OR6K3: variants seen among roughly 807,000 people sequenced by gnomAD.
The protein encoded by OR6K3 is olfactory receptor 6K3.
For missense variants in OR6K3, 396 were observed against 382.5 expected, an observed-to-expected ratio of 1.04 and a Z score of -0.29; for synonymous variants, 169 against 137.7, an observed-to-expected ratio of 1.23 and a Z score of -1.59.
chr1:158,717,314 C>G lies in OR6K3; in HGVS notation c.802G>C (p.Val268Leu). The change falls in exon 2 of 2, where the codon GTT (valine) becomes CTT (leucine). Residue 268 changes from valine to leucine, a missense_variant. By Grantham distance (32) the Val-to-Leu change is conservative. Transcript: ENST00000368145. ...YLRFSDTYPP[V>L]LDTAIALMFT... Reference sequence around the variant, plus strand: ...ATCAGTGCAATGGCTGTGTCCAAAACTGGTGGATAAGTGTCGCTGAAACGC... The same window carrying G: ...ATCAGTGCAATGGCTGTGTCCAAAAGTGGTGGATAAGTGTCGCTGAAACGC... The G allele has an allele frequency of 6.2e-7, 1 of 1,613,756 alleles. No individual in the cohort carries two copies. The highest frequency in any genetic ancestry group is 8.5e-7 in the Non-Finnish European group (1 of 1,179,778).
chr1:158,717,986 A>G lies in OR6K3; in HGVS notation c.130T>C (p.Leu44=). Residue 44 remains leucine (L), a synonymous_variant, in exon 2 of 2, where the codon TTA becomes CTA. Transcript: ENST00000368145. ...TCCAGCCTTACAGCAGAGAAGATTA[A>G]TAAGTTATCAATGATAATAAAAGTA... ...IYTFIIIDNL[L]IFSAVRLDTH... is the part of the protein sequence containing the mutation. 1 of 1,612,868 alleles carries G rather than the reference A, an allele frequency of 6.2e-7. No homozygotes were observed. The highest frequency in any genetic ancestry group is 8.5e-7 in the Non-Finnish European group (1 of 1,179,036).
rs1386027627 is a variant in OR6K3, at chr1:158,717,172, C to T, written c.944G>A (p.Gly315Asp). 6.2e-7 allele frequency: 1 copy of T among 1,603,004 alleles called. No individual in the cohort carries two copies. The highest frequency in any genetic ancestry group is 2.2e-5 in the East Asian group (1 of 44,796). The change falls in exon 2 of 2, where the codon GGT (glycine) becomes GAT (aspartate). Residue 315 changes from glycine (G) to aspartate (D), a missense_variant. Physicochemically the swap from Gly to Asp is moderately conservative, Grantham distance 94. Transcript: ENST00000368145. ...AAGGGAACCTGTGGCTCTGTATTAA[C>T]CTCCAGGCTTGTTCAACACTTTTTG... ...CLQKVLNKPG[G>D]
At chr1:158,723,018 TTCA>T (rs1306294187), upstream of OR6K3, among the ~76,000 whole-genome samples, 1 of 152,036 alleles carries the variant, frequency 6.6e-6, no homozygotes, top group Admixed American at 6.6e-5. Context: ...CATCTAACAG[TTCA>T]TCTAGTCCTG....
chr1:158,717,429 A>G lies in OR6K3; in HGVS notation c.687T>C (p.Ser229=). The G allele has an allele frequency of 6.2e-7, 1 of 1,613,772 alleles. No individual in the cohort carries two copies. Residue 229 remains serine, a synonymous_variant, in exon 2 of 2, where the codon TCT becomes TCC. Transcript: ENST00000368145. ...AAAAAGCCTTTTGCCTCCCTTCAGA[A>G]GAGGGAATCCTCAATATCACAGTGA... is the stretch of plus-strand genomic sequence containing the variant. ...RIVTVILRIP[S]SEGRQKAFST... is the part of the protein sequence containing the mutation.
rs373150476 is a variant in OR6K3 at position 158,717,516 on chromosome 1, C to G, written c.600G>C (p.Val200=). ...TAATGATGATGGTCACAGCATGAAT[C>G]ACATCCTCAATCAGAATCATGGACG... is the stretch of plus-strand genomic sequence containing the variant. ...TDTSMILIED[V]IHAVTIIITF... Residue 200 remains valine (V), a synonymous_variant, in exon 2 of 2, where the codon GTG becomes GTC. Coordinates refer to ENST00000368145, the MANE Select transcript of OR6K3 (RefSeq NM_001005327.3). The G allele has an allele frequency of 6.2e-7, 1 of 1,613,710 alleles. No individual in the cohort carries two copies. The highest frequency in any genetic ancestry group is 1.3e-5 in the African/African-American group (1 of 75,018).
chr1:158,719,161 C>T (rs1216234860), intron 1 of OR6K3, among the ~76,000 whole-genome samples: 1 of 151,166 alleles, frequency 6.6e-6, no homozygotes, highest in Non-Finnish European at 1.5e-5. Context: ...GCTTTAAAGG[C>T]AGTTCTAGCT....
At position 158,717,366 on chromosome 1, in the gene OR6K3, G is replaced by T. The variant is rs143760387; in HGVS notation, c.750C>A (p.Phe250Leu). 3 of 1,613,746 alleles carry T rather than the reference G, an allele frequency of 1.9e-6. No homozygotes were observed. The South Asian group carries it at 3.3e-5, about 18-fold the overall frequency. ...CAGHLMVFPI[F>L]FGSVSLMYLR... ...AGTACATGAGTGATACACTGCCAAA[G>T]AATATCGGGAAGACCATGAGGTGGC... The change falls in exon 2 of 2, where the codon TTC becomes TTA. Residue 250 changes from phenylalanine to leucine, a missense_variant. Phe to Leu is a conservative substitution (Grantham distance 22, BLOSUM62 0). Transcript: ENST00000368145.
chr1:158,719,798 TATA>T, intron 1 of OR6K3, among the ~76,000 whole-genome samples: 1 of 152,076 alleles, frequency 6.6e-6, no homozygotes, highest in East Asian at 1.9e-4. Context: ...CTAAACATTT[TATA>T]ATAACAATAG....
At chr1:158,722,192 G>A (rs1210613925), upstream of OR6K3, among the ~76,000 whole-genome samples, 3 of 151,986 alleles carry the variant, frequency 2.0e-5, no homozygotes, top group Non-Finnish European at 2.9e-5. Flanking sequence ...AAGGCAATCT[G>A]TGTTTGTCTG....
upstream of OR6K3, among the ~76,000 whole-genome samples, chr1:158,722,888 A>C (rs995537084): frequency 6.6e-6 from 1 of 152,038 alleles, no homozygotes; most frequent in African/African-American, 2.4e-5. Context: ...CTTTTCTAGA[A>C]AAAAGAAAGT....
Position 158,716,846 on chromosome 1 carries a change from G to A in OR6K3, c.*322C>T, listed in dbSNP as rs1001552567. 12 of 236,462 alleles carry A rather than the reference G, an allele frequency of 5.1e-5. No individual in the cohort carries two copies. Among genetic ancestry groups the A allele is most frequent in the East Asian group, 9.9e-5 (1 of 10,118 alleles). 14.6% of individuals were successfully genotyped at this position (236,462 alleles called of 1,614,324 possible). On this transcript the variant is annotated 3_prime_UTR_variant, in exon 2 of 2. Coordinates refer to ENST00000368145, the MANE Select transcript of OR6K3 (RefSeq NM_001005327.3). ...TAAAGCAATGGAAAGGGCCAGATGCGGTGGCTCACAGCTGTAATCCCAGCA... is the reference window on the plus strand; with the variant it reads ...TAAAGCAATGGAAAGGGCCAGATGCAGTGGCTCACAGCTGTAATCCCAGCA...
rs1280653649 is a variant in OR6K3 at position 158,717,576 on chromosome 1, G to A, written c.540C>T (p.Asp180=). 3.1e-6 allele frequency: 5 copies of A among 1,613,702 alleles called. No individual in the cohort carries two copies. The South Asian group carries it at 3.3e-5, about 11-fold the overall frequency. The change falls in exon 2 of 2, where the codon GAC becomes GAT. Residue 180 remains aspartate, a synonymous_variant. Coordinates refer to ENST00000368145, the MANE Select transcript of OR6K3 (RefSeq NM_001005327.3). The part of the protein sequence containing the change: ...GPNQIHQIFC[D]LVPVLSLACT... ...AGGCCAGGCTTAGCACAGGGACCAA[G>A]TCACAGAAGATCTGATGGATTTGGT...
In OR6K3 at chr1:158,717,144, C is replaced by CGGAA. The variant is rs770553275; in HGVS notation, c.*20_*23dup. ...AAAAAACAAAACAAAACAAAAGCAA[C>CGGAA]GGAAGGGAACCTGTGGCTCTGTATT... On this transcript the variant is annotated 3_prime_UTR_variant, in exon 2 of 2. Transcript: ENST00000368145. 5.3e-6 allele frequency: 8 copies of CGGAA among 1,496,866 alleles called. No individual in the cohort carries two copies. Among genetic ancestry groups the CGGAA allele is most frequent in the Non-Finnish European group, 7.3e-6 (8 of 1,093,684 alleles). 92.7% of individuals were successfully genotyped at this position (1,496,866 alleles called of 1,614,324 possible).
At chr1:158,718,532 A>G (rs1239896573) in intron 1 of OR6K3, among the ~76,000 whole-genome samples, 1 of 151,644 alleles carries the variant, frequency 6.6e-6, no homozygotes, top group Non-Finnish European at 1.5e-5. Context: ...ATTTGCATTT[A>G]TAAGTTATAC....
upstream of OR6K3, among the ~76,000 whole-genome samples, chr1:158,722,830 C>T (rs1363726452): frequency 6.6e-6 from 1 of 151,812 alleles, no homozygotes; most frequent in African/African-American, 2.4e-5. Flanking sequence ...CTGGACTATC[C>T]AATAAACAGA....
chr1:158,720,482 T>C (rs1656259483), intron 1 of OR6K3, among the ~76,000 whole-genome samples: 1 of 151,982 alleles, frequency 6.6e-6, no homozygotes, highest in African/African-American at 2.4e-5. Context: ...ATTATAAATG[T>C]GGCATGCTGT....
At position 158,717,311 on chromosome 1, in the gene OR6K3, A is replaced by G; in HGVS notation, c.805T>C (p.Leu269=). Residue 269 remains leucine (L), a synonymous_variant, in exon 2 of 2, where the codon TTG becomes CTG. Coordinates refer to ENST00000368145, the MANE Select transcript of OR6K3 (RefSeq NM_001005327.3). ...LRFSDTYPPV[L]DTAIALMFTV... ...AACATCAGTGCAATGGCTGTGTCCA[A>G]AACTGGTGGATAAGTGTCGCTGAAA... 6.2e-7 allele frequency: 1 copy of G among 1,613,770 alleles called. No individual in the cohort carries two copies.
chr1:158,716,669 C>T lies in OR6K3; in HGVS notation c.*499G>A, dbSNP rs763359956. ...GTTATTCAGCCACATAATAAGGTTC[C>T]TCATGATATGCACAGCAACTTTTAT... On this transcript the variant is annotated 3_prime_UTR_variant, in exon 2 of 2. Transcript: ENST00000368145. 1 of 153,608 alleles carries T rather than the reference C, an allele frequency of 6.5e-6. No homozygotes were observed. The highest frequency in any genetic ancestry group is 1.4e-5 in the Non-Finnish European group (1 of 69,070). The allele number at this position is 153,608 out of a possible 1,614,324, so 9.5% of individuals were successfully genotyped here.
upstream of OR6K3, among the ~76,000 whole-genome samples, chr1:158,722,065 GTC>G (rs933587303): frequency 6.6e-6 from 1 of 150,912 alleles, no homozygotes; most frequent in African/African-American, 2.4e-5. Context: ...GTCTCTCTCA[GTC>G]TCTCTCTCTC....
Sources: gnomAD v4.1 joint callset for allele counts (sites outside exome capture counted in the v4.1 genomes callset) on GRCh38, gnomAD v4.1.1 for gene constraint, MANE v1.5 for transcripts, NCBI Gene and HGNC (gene_info 2026-07-23, HGNC 2026-07-21) for gene names.